PCDH19: variants seen among roughly 807,000 people sequenced by gnomAD.
The protein encoded by PCDH19 is protocadherin 19, also known as protocadherin-19.
PCDH19 carries 6 observed loss-of-function variants against 46.2 expected under a neutral mutation model. That is an observed-to-expected ratio of 0.13 (90% confidence interval 0.07 to 0.26). PCDH19 has a LOEUF of 0.26. Among genes scored for constraint, PCDH19 ranks in the 10% least tolerant of loss-of-function variants. The pLI, the probability that PCDH19 is intolerant of heterozygous loss-of-function variation, is 1.00. For synonymous variants in PCDH19, 481 were observed against 415.7 expected (o/e 1.16, Z -1.91); for missense variants, 740 against 972.3 (o/e 0.76, Z 3.18).
chrX:100,364,149 C>T (rs1927004693), intron 3 of PCDH19, among the ~76,000 whole-genome samples: 1 of 109,767 alleles, frequency 9.1e-6, no homozygotes, highest in African/African-American at 3.3e-5. Flanking sequence ...ATGCATAATT[C>T]AGAGTTGTCG....
At chrX:100,390,782 A>G (rs1927838118) in intron 3 of PCDH19, among the ~76,000 whole-genome samples, 1 of 111,985 alleles carries the variant, frequency 8.9e-6, no homozygotes, top group Non-Finnish European at 1.9e-5. Flanking sequence ...ATGGCCTGAA[A>G]TTAAAAATAA....
intron 5 of PCDH19, among the ~76,000 whole-genome samples, chrX:100,314,751 T>G (rs1203099411): frequency 5.4e-5 from 6 of 111,688 alleles, no homozygotes; most frequent in African/African-American, 2.0e-4. Context: ...GAATTGCCGT[T>G]ACAAAATTTC....
intron 5 of PCDH19, among the ~76,000 whole-genome samples, chrX:100,299,495 C>T (rs938099434): frequency 3.6e-5 from 4 of 111,233 alleles, no homozygotes; most frequent in African/African-American, 1.3e-4. Flanking sequence ...TACTAGGCTG[C>T]CTCAAATGAA....
intron 3 of PCDH19, among the ~76,000 whole-genome samples, chrX:100,384,009 T>C (rs1293550097): frequency 8.9e-6 from 1 of 111,806 alleles, no homozygotes; most frequent in Non-Finnish European, 1.9e-5. Flanking sequence ...ACTCAACCAA[T>C]TAACCATCTA....
intron 3 of PCDH19, among the ~76,000 whole-genome samples, chrX:100,379,647 T>A (rs2147515505): frequency 8.9e-6 from 1 of 112,076 alleles, no homozygotes; most frequent in East Asian, 2.8e-4. Flanking sequence ...AGAAACAGAT[T>A]GGAAGCAGAA....
At position 100,292,346 on chromosome X, in the gene PCDH19, G is replaced by T. The variant is rs758699755; in HGVS notation, c.*3931C>A. 8.9e-6 allele frequency: 1 copy of T among 112,954 alleles called. No individual in the cohort carries two copies. The highest frequency in any genetic ancestry group is 2.8e-4 in the East Asian group (1 of 3,571). The allele number at this position is 112,954 out of a possible 1,213,427, so 9.3% of individuals were successfully genotyped here. The stretch of plus-strand genomic sequence containing the variant: ...TCAGTTTTCCCTAATGACCTACAAT[G>T]CTTTCCAATCAAGATCAGGTGTTTG... On this transcript the variant is annotated 3_prime_UTR_variant, in exon 6 of 6. Transcript: ENST00000373034.
At chrX:100,346,197 C>T (rs182759907) in intron 4 of PCDH19, among the ~76,000 whole-genome samples, 59 of 111,784 alleles carry the variant, frequency 5.3e-4, no homozygotes, top group East Asian at 2.5e-3. Flanking sequence ...AGATGCATGA[C>T]GAATGAACAT....
At chrX:100,312,180 G>A (rs1050389587) in intron 5 of PCDH19, among the ~76,000 whole-genome samples, 1 of 110,742 alleles carries the variant, frequency 9.0e-6, no homozygotes. Context: ...CAAGACTGAT[G>A]ATGGAGACAA....
At chrX:100,371,172 G>C (rs960126215) in intron 3 of PCDH19, among the ~76,000 whole-genome samples, 10 of 111,559 alleles carry the variant, frequency 9.0e-5, no homozygotes, top group Non-Finnish European at 1.7e-4. Context: ...AATGAGACTT[G>C]TGGCTTTGTA....
At chrX:100,307,254 T>G (rs762499414) in intron 5 of PCDH19, among the ~76,000 whole-genome samples, 13 of 111,930 alleles carry the variant, frequency 1.2e-4, no homozygotes, top group Non-Finnish European at 2.3e-4. Context: ...CATATGCAAG[T>G]CAATAAATGT....
chrX:100,294,425 C>T lies in PCDH19; in HGVS notation c.*1852G>A, dbSNP rs1157244346. On this transcript the variant is annotated 3_prime_UTR_variant, in exon 6 of 6. Transcript: ENST00000373034. Reference sequence around the variant, plus strand: ...AATGTTCTCCCCTACCTAACCCCATCCCTACTGCCTTACCCACCCCCTCCC... The same window carrying T: ...AATGTTCTCCCCTACCTAACCCCATTCCTACTGCCTTACCCACCCCCTCCC... 1 of 110,187 alleles carries T rather than the reference C, an allele frequency of 9.1e-6. No individual in the cohort carries two copies. Among genetic ancestry groups the T allele is most frequent in the Admixed American group, 9.8e-5 (1 of 10,223 alleles). The allele number at this position is 110,187 out of a possible 1,213,427, so 9.1% of individuals were successfully genotyped here.
At chrX:100,381,240 GA>G (rs1444595316) in intron 3 of PCDH19, among the ~76,000 whole-genome samples, 6 of 111,910 alleles carry the variant, frequency 5.4e-5, no homozygotes, top group Non-Finnish European at 1.1e-4. Flanking sequence ...ACATTGATAA[GA>G]AAAAAACTGG....
intron 3 of PCDH19, among the ~76,000 whole-genome samples, chrX:100,362,375 C>CTG (rs913189774): frequency 1.8e-5 from 2 of 110,691 alleles, no homozygotes; most frequent in Non-Finnish European, 3.8e-5. Flanking sequence ...CATTTCTTAA[C>CTG]TGTGTGTGTG....
Position 100,350,512 on chromosome X carries a change from A to G in PCDH19, c.2675+134T>C, listed in dbSNP as rs1357927069. On this transcript the variant is annotated intron_variant, in intron 4 of 5. Coordinates refer to ENST00000373034, the MANE Select transcript of PCDH19 (RefSeq NM_001184880.2). ...TTTTATGCTTTTCTCAATTTTCCAA[A>G]CTTTCTACAAATAGTAGGTTGGACA... The G allele has an allele frequency of 6.0e-6, 3 of 502,104 alleles. No individual in the cohort carries two copies. The African/African-American group carries it at 7.2e-5, about 12-fold the overall frequency. 41.4% of individuals were successfully genotyped at this position (502,104 alleles called of 1,213,427 possible). A position where few individuals can be genotyped will look rare whatever the true frequency, so the allele number is the denominator to read the frequency against.
At chrX:100,330,960 G>C (rs750985788) in intron 5 of PCDH19, among the ~76,000 whole-genome samples, 89 of 112,203 alleles carry the variant, frequency 7.9e-4, no homozygotes, top group Non-Finnish European at 1.2e-3. Flanking sequence ...AAAAGTATTT[G>C]TCATTAGGCC....
At chrX:100,372,167 G>A (rs1013923580) in intron 3 of PCDH19, among the ~76,000 whole-genome samples, 2 of 111,680 alleles carry the variant, frequency 1.8e-5, no homozygotes, top group Non-Finnish European at 3.8e-5. Context: ...AACCCAGGAG[G>A]TGGAGGCTCA....
chrX:100,298,304 G>A (rs1924679441), intron 5 of PCDH19, among the ~76,000 whole-genome samples: 1 of 111,475 alleles, frequency 9.0e-6, no homozygotes, highest in Non-Finnish European at 1.9e-5. Flanking sequence ...TTATTTGGAG[G>A]AAAGACATTA....
intron 5 of PCDH19, among the ~76,000 whole-genome samples, chrX:100,332,872 T>C (rs1464482001): frequency 9.3e-6 from 1 of 108,049 alleles, no homozygotes; most frequent in Non-Finnish European, 1.9e-5. Flanking sequence ...TAGCCAAGCA[T>C]GCACCTATGG....
At chrX:100,394,748 C>G (rs1927969286) in intron 3 of PCDH19, among the ~76,000 whole-genome samples, 1 of 111,716 alleles carries the variant, frequency 9.0e-6, no homozygotes, top group South Asian at 3.7e-4. Context: ...TACATAGTTG[C>G]AAGTTGTTTA....
Sources: allele counts gnomAD v4.1 joint callset (sites outside exome capture counted in the v4.1 genomes callset), GRCh38; gene constraint gnomAD v4.1.1; transcripts MANE v1.5; gene names NCBI Gene and HGNC (gene_info 2026-07-23, HGNC 2026-07-21).